Variants in SLC44A5 observed in about 807,000 individuals in gnomAD.
The protein encoded by SLC44A5 is choline transporter-like protein 5.
Under a neutral mutation model 101.8 loss-of-function variants are expected in SLC44A5, and 57 were observed. The ratio of observed to expected loss-of-function variants is 0.56; its 90% CI spans 0.45 to 0.70. The LOEUF is 0.70. SLC44A5 is among the 30% of genes least tolerant of loss of function. The pLI is 0.00. For missense variants in SLC44A5, 737 were observed against 853.1 expected (o/e 0.86, Z 1.70); for synonymous variants, 281 against 290.9 (o/e 0.97, Z 0.35).
chr1:75,253,041 C>T (rs909768164), intron 6 of SLC44A5, among the ~76,000 whole-genome samples: 1 of 152,160 alleles, frequency 6.6e-6, no homozygotes, highest in Admixed American at 6.5e-5. Context: ...GTGTTGATGG[C>T]TGGTCAGTTA....
At chr1:75,490,775 A>G (rs1668384190) in intron 2 of SLC44A5, among the ~76,000 whole-genome samples, 1 of 152,226 alleles carries the variant, frequency 6.6e-6, no homozygotes, top group African/African-American at 2.4e-5. Flanking sequence ...GATTAATTCT[A>G]TCTCCAGTGG....
intron 2 of SLC44A5, among the ~76,000 whole-genome samples, chr1:75,467,890 G>A (rs1666908180): frequency 6.8e-6 from 1 of 147,120 alleles, no homozygotes; most frequent in Non-Finnish European, 1.5e-5. Flanking sequence ...AAAGTGAAGA[G>A]ACAACTCACA....
At chr1:75,252,025 G>C (rs894362692) in intron 6 of SLC44A5, among the ~76,000 whole-genome samples, 1 of 152,128 alleles carries the variant, frequency 6.6e-6, no homozygotes, top group Non-Finnish European at 1.5e-5. Flanking sequence ...ATGCGTAGTG[G>C]ACTTAAGACA....
the SLC44A5 span, among the ~76,000 whole-genome samples, chr1:75,672,398 A>G: frequency 1.3e-5 from 2 of 152,268 alleles, no homozygotes; most frequent in South Asian, 2.1e-4. Flanking sequence ...CAGAGAAAGC[A>G]TTTAGACCAG....
intron 2 of SLC44A5, among the ~76,000 whole-genome samples, chr1:75,403,732 A>G (rs1662661997): frequency 6.6e-6 from 1 of 152,176 alleles, no homozygotes; most frequent in African/African-American, 2.4e-5. Context: ...AAATCCACAA[A>G]GATGAGGAAA....
chr1:75,304,297 T>C (rs1326642408), intron 4 of SLC44A5, among the ~76,000 whole-genome samples: 1 of 25,764 alleles, frequency 3.9e-5, no homozygotes, highest in East Asian at 7.7e-3. Flanking sequence ...TAAATAGGTG[T>C]GTGTGTGTGT....
At chr1:75,491,459 T>G (rs540869008) in intron 2 of SLC44A5, among the ~76,000 whole-genome samples, 1 of 152,202 alleles carries the variant, frequency 6.6e-6, no homozygotes, top group African/African-American at 2.4e-5. Context: ...TTACTTATAG[T>G]TGGAAGATTA....
At chr1:75,661,892 T>C in the SLC44A5 span, among the ~76,000 whole-genome samples, 1 of 151,938 alleles carries the variant, frequency 6.6e-6, no homozygotes, top group Non-Finnish European at 1.5e-5. Context: ...TCGTGCATGG[T>C]TGGTAGAAAT....
chr1:75,706,857 A>T, the SLC44A5 span, among the ~76,000 whole-genome samples: 4,817 of 152,216 alleles, frequency 0.032, 255 homozygotes, highest in African/African-American at 0.11. Flanking sequence ...ACAGCAGCTA[A>T]CATATGTGAA....
intron 2 of SLC44A5, among the ~76,000 whole-genome samples, chr1:75,514,013 A>C (rs1346610581): frequency 6.6e-6 from 1 of 152,158 alleles, no homozygotes; most frequent in East Asian, 1.9e-4. Context: ...TAATTTAAAA[A>C]AAATTTTTTT....
intron 1 of SLC44A5, among the ~76,000 whole-genome samples, chr1:75,562,219 G>C (rs2102011104): frequency 6.6e-6 from 1 of 152,056 alleles, no homozygotes; most frequent in East Asian, 1.9e-4. Context: ...GTATTTCCCA[G>C]ATTTTTTATT....
chr1:75,326,433 C>T (rs948875372), intron 4 of SLC44A5, among the ~76,000 whole-genome samples: 1 of 151,944 alleles, frequency 6.6e-6, no homozygotes, highest in African/African-American at 2.4e-5. Context: ...CTTCCAATCA[C>T]AGTTTAGTAA....
At chr1:75,590,519 T>C (rs912146629) in intron 1 of SLC44A5, among the ~76,000 whole-genome samples, 4 of 152,118 alleles carry the variant, frequency 2.6e-5, no homozygotes, top group Non-Finnish European at 5.9e-5. Flanking sequence ...ATTCCAGGAC[T>C]TGACTCTTGG....
chr1:75,686,370 T>A, the SLC44A5 span, among the ~76,000 whole-genome samples: 1 of 152,232 alleles, frequency 6.6e-6, no homozygotes, highest in Admixed American at 6.5e-5. Context: ...GAAGCCCTCC[T>A]TAATAAGATG....
intron 3 of SLC44A5, among the ~76,000 whole-genome samples, chr1:75,341,055 A>G (rs1464335857): frequency 6.6e-6 from 1 of 152,222 alleles, no homozygotes; most frequent in East Asian, 1.9e-4. Context: ...AAAGAGTCCT[A>G]TTAATAATTC....
rs577385687 is a variant in SLC44A5, at chr1:75,265,835, A to G, written c.260+9123T>C. Among the ~76,000 whole-genome samples the G allele has an allele frequency of 2.6e-5, 4 of 152,288 alleles. No individual in the cohort carries two copies. The East Asian group carries it at 7.7e-4, about 29-fold the overall frequency. On this transcript the variant is annotated intron_variant, in intron 6 of 23. Transcript: ENST00000370859. ...TGCTACATCAGACAATGTTCAAAGT[A>G]ATTTCGGCACAACCTTTACAAGCTG...
intron 3 of SLC44A5, among the ~76,000 whole-genome samples, chr1:75,390,441 C>T (rs1439671347): frequency 6.6e-6 from 1 of 150,564 alleles, no homozygotes; most frequent in East Asian, 1.9e-4. Context: ...CAAATCAAAT[C>T]CAGCAGCACA....
chr1:75,465,740 T>C (rs543008243), intron 2 of SLC44A5, among the ~76,000 whole-genome samples: 22 of 152,142 alleles, frequency 1.4e-4, no homozygotes, highest in Non-Finnish European at 3.1e-4. Context: ...CCTTAGTGGC[T>C]ACTATGAGCA....
intron 4 of SLC44A5, among the ~76,000 whole-genome samples, chr1:75,333,006 G>A (rs552171850): frequency 9.7e-4 from 148 of 152,104 alleles, no homozygotes; most frequent in Admixed American, 3.7e-3. Flanking sequence ...TTAAATATAC[G>A]AAGGTGGGGC....
Sources: gnomAD v4.1 joint callset for allele counts (sites outside exome capture counted in the v4.1 genomes callset) on GRCh38, gnomAD v4.1.1 for gene constraint, MANE v1.5 for transcripts, NCBI Gene and HGNC (gene_info 2026-07-23, HGNC 2026-07-21) for gene names.